GFRA1: variants seen among roughly 807,000 people sequenced by gnomAD.
GFRA1 encodes GDNF family receptor alpha-1.
GFRA1 carries 16 observed loss-of-function variants against 51.6 expected under a neutral mutation model. That is an observed-to-expected ratio of 0.31 (90% CI 0.21 to 0.47). The LOEUF is 0.47. Ranked by LOEUF, GFRA1 falls within the 20% of genes least tolerant of loss-of-function variation. GFRA1 has a pLI of 1.00. For missense variants in GFRA1, 530 were observed against 594.3 expected (o/e 0.89, Z 1.13); for synonymous variants, 270 against 241.3 (o/e 1.12, Z -1.10).
chr10:116,172,129 C>T (rs759650102), intron 5 of GFRA1, among the ~76,000 whole-genome samples: 3 of 152,214 alleles, frequency 2.0e-5, no homozygotes, highest in African/African-American at 7.2e-5. Context: ...ATTCTATCAT[C>T]TTTACAAAGC....
intron 5 of GFRA1, among the ~76,000 whole-genome samples, chr10:116,182,861 A>G (rs1238212830): frequency 6.6e-6 from 1 of 152,182 alleles, no homozygotes; most frequent in Non-Finnish European, 1.5e-5. Flanking sequence ...ATCCCCTTCA[A>G]GTATCAGCCA....
intron 10 of GFRA1, 69 bp from the exon 11 acceptor site, chr10:116,064,613 C>G (rs1304133838): frequency 1.7e-5 from 24 of 1,424,936 alleles, no homozygotes; most frequent in African/African-American, 2.8e-5. Context: ...ACTTTACACT[C>G]TCTCTCCCCC....
intron 4 of GFRA1, among the ~76,000 whole-genome samples, chr10:116,214,423 G>A (rs1168662079): frequency 2.0e-5 from 3 of 152,172 alleles, no homozygotes; most frequent in Admixed American, 2.0e-4. Context: ...GAGGGAAAGA[G>A]GGCTGGTCTG....
At position 116,057,746 on chromosome 10, in the gene GFRA1, T is replaced by C. The variant is rs1206257120; in HGVS notation, c.*6652A>G. 5 of 151,492 alleles carry C rather than the reference T, an allele frequency of 3.3e-5. No homozygotes were observed. The highest frequency in any genetic ancestry group is 9.7e-5 in the African/African-American group (4 of 41,200). The allele number at this position is 151,492 out of a possible 1,614,324, so 9.4% of individuals were successfully genotyped here. A position where few individuals can be genotyped will look rare whatever the true frequency, so the allele number is the denominator to read the frequency against. On this transcript the variant is annotated 3_prime_UTR_variant, in exon 11 of 11. Coordinates refer to ENST00000355422, the MANE Select transcript of GFRA1 (RefSeq NM_005264.8). ...GGTTTCTGAAACTGTTTTTTTTTTT[T>C]CAACCCTCGGAGGACAATCAGCTCT... is the stretch of plus-strand genomic sequence containing the variant.
intron 6 of GFRA1, among the ~76,000 whole-genome samples, chr10:116,100,215 A>G (rs1316992646): frequency 1.3e-5 from 2 of 152,206 alleles, no homozygotes; most frequent in Non-Finnish European, 2.9e-5. Context: ...CTGCATAACA[A>G]CTACGAAGTA....
chr10:116,100,792 C>T (rs1956788994), intron 6 of GFRA1, among the ~76,000 whole-genome samples: 1 of 152,020 alleles, frequency 6.6e-6, no homozygotes, highest in Non-Finnish European at 1.5e-5. Flanking sequence ...CCTAGGAGAC[C>T]GTGGCCATGA....
chr10:116,274,022 G>T (rs1250495994), upstream of GFRA1, among the ~76,000 whole-genome samples: 1 of 152,198 alleles, frequency 6.6e-6, no homozygotes, highest in African/African-American at 2.4e-5. Context: ...AACCCGGCCA[G>T]ACCTGGCTTT....
chr10:116,177,199 A>G (rs183973986), intron 5 of GFRA1, among the ~76,000 whole-genome samples: 1 of 152,354 alleles, frequency 6.6e-6, no homozygotes, highest in East Asian at 1.9e-4. Flanking sequence ...ATGAGGAGTC[A>G]TCCAGGGTCT....
chr10:116,258,385 TTAATTAATAAAATAAAA>T (rs955200069), intron 4 of GFRA1, among the ~76,000 whole-genome samples: 10 of 124,814 alleles, frequency 8.0e-5, no homozygotes, highest in Admixed American at 2.9e-4. Context: ...ATCTAATATA[TTAATTAATAAAATAAAA>T]TATATTATAT....
At chr10:116,209,454 C>T (rs1965025952) in intron 5 of GFRA1, among the ~76,000 whole-genome samples, 1 of 152,028 alleles carries the variant, frequency 6.6e-6, no homozygotes, top group African/African-American at 2.4e-5. Flanking sequence ...GTGGTGTTCC[C>T]CCAACTGCCC....
chr10:116,088,986 A>G (rs182370929), intron 9 of GFRA1, among the ~76,000 whole-genome samples: 13 of 149,574 alleles, frequency 8.7e-5, no homozygotes, highest in African/African-American at 2.4e-4. Flanking sequence ...CAAATAGGAG[A>G]TGTCCTGCCA....
chr10:116,243,313 AC>A (rs1287728913), intron 4 of GFRA1, among the ~76,000 whole-genome samples: 1 of 152,218 alleles, frequency 6.6e-6, no homozygotes, highest in East Asian at 1.9e-4. Context: ...GTTATCTTTT[AC>A]AGAGAAATTA....
intron 5 of GFRA1, among the ~76,000 whole-genome samples, chr10:116,130,063 T>C (rs1174724535): frequency 6.6e-6 from 1 of 150,534 alleles, no homozygotes; most frequent in Non-Finnish European, 1.5e-5. Context: ...AATAATTTTA[T>C]TTACAGCACG....
intron 5 of GFRA1, among the ~76,000 whole-genome samples, chr10:116,209,235 C>T (rs1318444161): frequency 1.3e-5 from 2 of 152,144 alleles, no homozygotes; most frequent in African/African-American, 4.8e-5. Flanking sequence ...GTGCTGTCAC[C>T]TGCTATAACA....
chr10:116,142,134 T>C (rs1267884802), intron 5 of GFRA1, among the ~76,000 whole-genome samples: 2 of 151,562 alleles, frequency 1.3e-5, no homozygotes, highest in African/African-American at 2.4e-5. Flanking sequence ...CAGTGCAGGA[T>C]TATTCATTGT....
chr10:116,156,076 GC>G (rs1959192731), intron 5 of GFRA1, among the ~76,000 whole-genome samples: 1 of 152,214 alleles, frequency 6.6e-6, no homozygotes, highest in Non-Finnish European at 1.5e-5. Context: ...GCCACTGAAA[GC>G]AGGCAACGCA....
intron 4 of GFRA1, among the ~76,000 whole-genome samples, chr10:116,235,848 G>T (rs1966862846): frequency 6.6e-6 from 1 of 152,176 alleles, no homozygotes; most frequent in Admixed American, 6.5e-5. Flanking sequence ...CACACAGCAA[G>T]ATGGTGGCCG....
intron 5 of GFRA1, among the ~76,000 whole-genome samples, chr10:116,196,142 C>CTG (rs1358394397): frequency 6.6e-6 from 1 of 150,750 alleles, no homozygotes; most frequent in African/African-American, 2.4e-5. Flanking sequence ...GTGTTGACTA[C>CTG]TGTATTTGCT....
chr10:116,144,563 CT>C (rs1291605702), intron 5 of GFRA1, among the ~76,000 whole-genome samples: 2 of 151,908 alleles, frequency 1.3e-5, no homozygotes, highest in Non-Finnish European at 2.9e-5. Context: ...TATTCATAAT[CT>C]ATATGTATGA....
Sources: gnomAD v4.1 joint callset for allele counts (sites outside exome capture counted in the v4.1 genomes callset) on GRCh38, gnomAD v4.1.1 for gene constraint, MANE v1.5 for transcripts, NCBI Gene and HGNC (gene_info 2026-07-23, HGNC 2026-07-21) for gene names.